The following GPR158 variants were observed in gnomAD, a reference collection of about 807,000 sequenced individuals.
The protein encoded by GPR158 is metabotropic glycine receptor.
A neutral mutation model predicts 78.2 loss-of-function variants in GPR158; 30 were observed. That is an observed-to-expected ratio of 0.38 (90% confidence interval 0.29 to 0.52). The LOEUF is 0.52. Among genes scored for constraint, GPR158 ranks in the 20% least tolerant of loss-of-function variants. The probability of loss-of-function intolerance (pLI) is 0.83; values close to 1 mark genes in which losing one functional copy is unlikely to be tolerated. For synonymous variants in GPR158, 581 were observed against 591.1 expected, an observed-to-expected ratio of 0.98 and a Z score of 0.25; for missense variants, 1,463 against 1,523.5, an observed-to-expected ratio of 0.96 and a Z score of 0.66.
chr10:25,469,018 A>C (rs1488864309), intron 5 of GPR158, among the ~76,000 whole-genome samples: 2 of 152,194 alleles, frequency 1.3e-5, no homozygotes, highest in Non-Finnish European at 2.9e-5. Flanking sequence ...GTGTAAGAGA[A>C]GGAAAGGTAC....
At chr10:25,535,947 T>C (rs950780068) in intron 5 of GPR158, among the ~76,000 whole-genome samples, 1 of 152,202 alleles carries the variant, frequency 6.6e-6, no homozygotes, top group African/African-American at 2.4e-5. Context: ...ATTTCTCCAT[T>C]GTTTTGTACT....
chr10:25,326,250 C>T (rs1855030544), intron 2 of GPR158, among the ~76,000 whole-genome samples: 1 of 152,180 alleles, frequency 6.6e-6, no homozygotes, highest in African/African-American at 2.4e-5. Flanking sequence ...ATAATGGCTT[C>T]CAGCTCCATC....
chr10:25,415,158 G>A (rs1834643103), intron 4 of GPR158, among the ~76,000 whole-genome samples: 1 of 152,030 alleles, frequency 6.6e-6, no homozygotes, highest in Non-Finnish European at 1.5e-5. Context: ...AAGCATACAT[G>A]ACAAAAGTAG....
At position 25,598,069 on chromosome 10, in the gene GPR158, A is replaced by G; in HGVS notation, c.2443A>G (p.Lys815Glu). 6.2e-7 allele frequency: 1 copy of G among 1,614,060 alleles called. No individual in the cohort carries two copies. The highest frequency in any genetic ancestry group is 8.5e-7 in the Non-Finnish European group (1 of 1,180,006). The change falls in exon 11 of 11, where the codon AAG becomes GAG. Residue 815 changes from lysine (K) to glutamate (E), a missense_variant. Coordinates refer to ENST00000376351, the MANE Select transcript of GPR158 (RefSeq NM_020752.3). ...ETLKNRVFSLKKSHSTYDHVR... is the reference protein window; with the variant it reads ...ETLKNRVFSLEKSHSTYDHVR... ...CCTGAAAAACCGAGTCTTCTCACTC[A>G]AGAAATCCCACAGCACTTATGACCA...
chr10:25,273,430 C>T (rs1347523964), intron 2 of GPR158, among the ~76,000 whole-genome samples: 3 of 93,730 alleles, frequency 3.2e-5, no homozygotes, highest in African/African-American at 1.2e-4. Context: ...GCACATATAA[C>T]ATGAAGTAAA....
At chr10:25,185,253 T>C (rs990976177) in intron 1 of GPR158, among the ~76,000 whole-genome samples, 3 of 152,208 alleles carry the variant, frequency 2.0e-5, no homozygotes, top group Middle Eastern at 3.2e-3. Flanking sequence ...TATATCTGTG[T>C]GTGCATATAT....
chr10:25,371,600 TGG>T (rs1332118696), intron 2 of GPR158, among the ~76,000 whole-genome samples: 1 of 144,600 alleles, frequency 6.9e-6, no homozygotes, highest in African/African-American at 2.5e-5. Flanking sequence ...AAACAAGCAA[TGG>T]GGAAAGGATT....
At chr10:25,531,705 T>C (rs1431859373) in intron 5 of GPR158, among the ~76,000 whole-genome samples, 1 of 152,182 alleles carries the variant, frequency 6.6e-6, no homozygotes, top group Admixed American at 6.5e-5. Context: ...TAGACAGGAA[T>C]AAAAAAGGTT....
intron 7 of GPR158, among the ~76,000 whole-genome samples, chr10:25,586,916 C>T (rs1032406286): frequency 6.6e-6 from 1 of 152,174 alleles, no homozygotes; most frequent in Non-Finnish European, 1.5e-5. Context: ...GTACAGAAGG[C>T]CAATCCCTGA....
chr10:25,543,222 G>C (rs1460715835), intron 5 of GPR158, among the ~76,000 whole-genome samples: 1 of 152,096 alleles, frequency 6.6e-6, no homozygotes, highest in African/African-American at 2.4e-5. Context: ...CCAGGTTCGA[G>C]AAATTCTCAT....
intron 4 of GPR158, among the ~76,000 whole-genome samples, chr10:25,458,506 G>C (rs1391010740): frequency 5.3e-5 from 8 of 152,196 alleles, no homozygotes; most frequent in Non-Finnish European, 1.2e-4. Context: ...TTCTGGCACT[G>C]ATCAGCCGAG....
intron 4 of GPR158, among the ~76,000 whole-genome samples, chr10:25,446,897 G>T (rs896007269): frequency 6.6e-6 from 1 of 152,176 alleles, no homozygotes; most frequent in African/African-American, 2.4e-5. Flanking sequence ...AGATAGGGAA[G>T]ATTAATCCAA....
chr10:25,389,170 G>T (rs1834260363), intron 2 of GPR158, among the ~76,000 whole-genome samples: 1 of 152,154 alleles, frequency 6.6e-6, no homozygotes, highest in African/African-American at 2.4e-5. Flanking sequence ...TCAGACAGGG[G>T]AGGTGGTGCC....
chr10:25,536,231 TATTA>T (rs1836499195), intron 5 of GPR158, among the ~76,000 whole-genome samples: 1 of 152,150 alleles, frequency 6.6e-6, no homozygotes, highest in South Asian at 2.1e-4. Context: ...ATATTAAAGA[TATTA>T]ATTTCTTTAT....
chr10:25,352,622 C>T (rs895222048), intron 2 of GPR158, among the ~76,000 whole-genome samples: 7 of 151,936 alleles, frequency 4.6e-5, no homozygotes, highest in Admixed American at 3.9e-4. Context: ...TCAAATTATG[C>T]ATGTTTTATA....
chr10:25,267,477 G>A (rs1004107520), intron 2 of GPR158, among the ~76,000 whole-genome samples: 1 of 152,176 alleles, frequency 6.6e-6, no homozygotes. Flanking sequence ...CGACATGTGG[G>A]AATTATGGGA....
At position 25,565,416 on chromosome 10, in the gene GPR158, C is replaced by T. The variant is rs189352509; in HGVS notation, c.1515-7233C>T. On this transcript the variant is annotated intron_variant, in intron 6 of 10. Transcript: ENST00000376351. Reference sequence around the variant, plus strand: ...TGGGATTTGAATCAGTTTAGACAGACGGCATGGCATTCAAAGGTACGAGCA... The same window carrying T: ...TGGGATTTGAATCAGTTTAGACAGATGGCATGGCATTCAAAGGTACGAGCA... 2.0e-5 allele frequency among the ~76,000 whole-genome samples: 3 copies of T among 152,144 alleles called. No individual in the cohort carries two copies. In the East Asian group the frequency reaches 5.8e-4, roughly 29 times the overall value.
chr10:25,260,099 A>G (rs759927060), intron 2 of GPR158, among the ~76,000 whole-genome samples: 1 of 152,128 alleles, frequency 6.6e-6, no homozygotes, highest in African/African-American at 2.4e-5. Context: ...AGGAATTTCT[A>G]TATTTTCCCT....
chr10:25,583,231 C>G (rs1837226505), intron 7 of GPR158, among the ~76,000 whole-genome samples: 2 of 152,144 alleles, frequency 1.3e-5, no homozygotes, highest in African/African-American at 2.4e-5. Flanking sequence ...GTATCCTTCT[C>G]TATCTCGGAG....
Sources: gnomAD v4.1 joint callset for allele counts (sites outside exome capture counted in the v4.1 genomes callset) on GRCh38, gnomAD v4.1.1 for gene constraint, MANE v1.5 for transcripts, NCBI Gene and HGNC (gene_info 2026-07-23, HGNC 2026-07-21) for gene names.